SGCZ: variants seen among roughly 807,000 people sequenced by gnomAD.
The protein encoded by SGCZ is zeta-sarcoglycan.
In SGCZ, 40 loss-of-function variants were observed where a neutral mutation model predicts 41.3. That is an observed-to-expected ratio of 0.97 (90% CI 0.75 to 1.26). SGCZ has a LOEUF of 1.26. SGCZ is among the 50% of genes most tolerant of loss of function. SGCZ has a pLI of 0.00. For synonymous variants in SGCZ, 206 were observed against 137.5 expected (o/e 1.50, Z -3.49); for missense variants, 552 against 369.8 (o/e 1.49, Z -4.04).
At chr8:14,207,488 G>T (rs1295206818) in intron 4 of SGCZ, among the ~76,000 whole-genome samples, 1 of 151,954 alleles carries the variant, frequency 6.6e-6, no homozygotes, top group Non-Finnish European at 1.5e-5. Flanking sequence ...TATGTTTATG[G>T]TTTACATTTT....
chr8:14,604,494 G>T (rs1805686514), intron 1 of SGCZ, among the ~76,000 whole-genome samples: 1 of 152,054 alleles, frequency 6.6e-6, no homozygotes, highest in Non-Finnish European at 1.5e-5. Context: ...GCATACTCTT[G>T]GTAGATGAGT....
At chr8:14,476,881 G>C (rs1045466538) in intron 2 of SGCZ, among the ~76,000 whole-genome samples, 2 of 152,142 alleles carry the variant, frequency 1.3e-5, no homozygotes, top group Non-Finnish European at 2.9e-5. Context: ...CTTTCAGAAA[G>C]AGACAGACAT....
chr8:15,112,201 TA>T (rs34030953), intron 1 of SGCZ, among the ~76,000 whole-genome samples: 1 of 152,240 alleles, frequency 6.6e-6, no homozygotes, highest in Admixed American at 6.5e-5. Flanking sequence ...AAACCTAACA[TA>T]AATGAGCAAA....
At chr8:14,205,167 C>G (rs1303982809) in intron 4 of SGCZ, among the ~76,000 whole-genome samples, 5 of 15,066 alleles carry the variant, frequency 3.3e-4, no homozygotes, top group Admixed American at 2.2e-3. Flanking sequence ...GTATCCTAGA[C>G]TTTATTTTTT....
intron 6 of SGCZ, among the ~76,000 whole-genome samples, chr8:14,107,222 A>G (rs904703463): frequency 7.4e-6 from 1 of 135,052 alleles, no homozygotes; most frequent in African/African-American, 2.8e-5. Context: ...TCTCAAAAAT[A>G]AAAATAAAAA....
intron 3 of SGCZ, among the ~76,000 whole-genome samples, chr8:14,260,914 A>T (rs1169552676): frequency 6.6e-6 from 1 of 152,142 alleles, no homozygotes; most frequent in African/African-American, 2.4e-5. Flanking sequence ...ACATGGACAC[A>T]GGAAGGGGAA....
At chr8:15,171,405 T>A (rs1799826112) in intron 1 of SGCZ, among the ~76,000 whole-genome samples, 1 of 152,202 alleles carries the variant, frequency 6.6e-6, no homozygotes. Context: ...TTTTATTGCA[T>A]TTTATTTAAT....
chr8:15,199,059 C>A (rs1314018344), intron 1 of SGCZ, among the ~76,000 whole-genome samples: 1 of 152,192 alleles, frequency 6.6e-6, no homozygotes, highest in Non-Finnish European at 1.5e-5. Context: ...TATTTCATGA[C>A]TTTCCTCTGC....
intron 1 of SGCZ, among the ~76,000 whole-genome samples, chr8:14,599,725 C>CT (rs1805526928): frequency 2.0e-5 from 3 of 152,196 alleles, no homozygotes; most frequent in Admixed American, 2.0e-4. Context: ...AAAACAAACT[C>CT]CTCTACTCTT....
chr8:14,603,059 T>C (rs1805643595), intron 1 of SGCZ, among the ~76,000 whole-genome samples: 2 of 152,102 alleles, frequency 1.3e-5, no homozygotes, highest in Non-Finnish European at 2.9e-5. Flanking sequence ...AGGATTCTAG[T>C]AGGGGACTTG....
chr8:15,121,780 CA>C (rs1468588298), intron 1 of SGCZ, among the ~76,000 whole-genome samples: 1 of 149,702 alleles, frequency 6.7e-6, no homozygotes, highest in African/African-American at 2.5e-5. Flanking sequence ...TCATAAAGTT[CA>C]AAAAGCATGG....
chr8:15,141,803 A>G (rs1409283224), intron 1 of SGCZ, among the ~76,000 whole-genome samples: 1 of 152,084 alleles, frequency 6.6e-6, no homozygotes, highest in East Asian at 1.9e-4. Context: ...CAGGAGGCTG[A>G]GGCAGGAGAA....
chr8:14,336,029 T>C (rs921976994), intron 2 of SGCZ, among the ~76,000 whole-genome samples: 3 of 152,106 alleles, frequency 2.0e-5, no homozygotes, highest in African/African-American at 7.2e-5. Flanking sequence ...CTAATCCTAG[T>C]TCCCAGTAGT....
At chr8:15,039,445 A>C (rs1803995070) in intron 1 of SGCZ, among the ~76,000 whole-genome samples, 1 of 152,174 alleles carries the variant, frequency 6.6e-6, no homozygotes, top group South Asian at 2.1e-4. Flanking sequence ...AGAGAATAGA[A>C]TGGGGGTTAC....
chr8:14,340,561 A>G (rs1279929015), intron 2 of SGCZ, among the ~76,000 whole-genome samples: 1 of 152,210 alleles, frequency 6.6e-6, no homozygotes, highest in Non-Finnish European at 1.5e-5. Flanking sequence ...TATCGAAATG[A>G]CCTTTATGTA....
intron 1 of SGCZ, among the ~76,000 whole-genome samples, chr8:14,981,299 G>A (rs184745725): frequency 1.6e-4 from 25 of 152,166 alleles, no homozygotes; most frequent in Admixed American, 8.5e-4. Flanking sequence ...TTATTATCAG[G>A]ATATATTTCA....
chr8:14,454,847 T>C (rs1264773798), intron 2 of SGCZ, among the ~76,000 whole-genome samples: 1 of 152,138 alleles, frequency 6.6e-6, no homozygotes, highest in Non-Finnish European at 1.5e-5. Context: ...TAAGGTTAAA[T>C]ATACATCTAA....
At chr8:14,238,667 T>C (rs952220313) in intron 3 of SGCZ, among the ~76,000 whole-genome samples, 10 of 152,098 alleles carry the variant, frequency 6.6e-5, no homozygotes, top group African/African-American at 1.7e-4. Flanking sequence ...AAAACCTAAG[T>C]AGGGTGATCA....
At chr8:14,288,842 G>A (rs147553124) in intron 3 of SGCZ, among the ~76,000 whole-genome samples, 131 of 152,190 alleles carry the variant, frequency 8.6e-4, no homozygotes, top group African/African-American at 3.1e-3. Flanking sequence ...CTTATCTTTT[G>A]GATGACTGTG....
Sources: allele counts gnomAD v4.1 joint callset (sites outside exome capture counted in the v4.1 genomes callset), GRCh38; gene constraint gnomAD v4.1.1; transcripts MANE v1.5; gene names NCBI Gene and HGNC (gene_info 2026-07-23, HGNC 2026-07-21).